The following SLC9A9 variants were observed in gnomAD, a reference collection of about 807,000 sequenced individuals.
The protein encoded by SLC9A9 is sodium/hydrogen exchanger 9.
In SLC9A9, 62 loss-of-function variants were observed where a neutral mutation model predicts 77.8. That is an observed-to-expected ratio of 0.80 (90% CI 0.65 to 0.98). The LOEUF (loss-of-function observed/expected upper bound fraction) is 0.98, where lower values mean the gene tolerates loss of function less well. SLC9A9 is among the 50% of genes least tolerant of loss of function. SLC9A9 has a pLI of 0.00. For synonymous variants in SLC9A9, 320 were observed against 283.5 expected (o/e 1.13, Z -1.29); for missense variants, 775 against 774.9 (o/e 1.00, Z 0.00).
chr3:143,659,554 T>G (rs560422492), intron 5 of SLC9A9, among the ~76,000 whole-genome samples: 1 of 152,006 alleles, frequency 6.6e-6, no homozygotes, highest in African/African-American at 2.4e-5. Context: ...TTAAATAGAT[T>G]AGAAAGTTGC....
intron 4 of SLC9A9, among the ~76,000 whole-genome samples, chr3:143,699,016 T>C (rs1021637495): frequency 2.0e-5 from 3 of 152,230 alleles, no homozygotes; most frequent in South Asian, 2.1e-4. Flanking sequence ...GCCCTACTTA[T>C]TTGTTCAGAT....
chr3:143,485,266 T>C (rs977381952), intron 11 of SLC9A9, among the ~76,000 whole-genome samples: 30 of 152,174 alleles, frequency 2.0e-4, no homozygotes, highest in African/African-American at 7.0e-4. Context: ...TCGCCACCAT[T>C]GTTGTTGCAC....
At chr3:143,326,588 C>G (rs2031611378) in intron 14 of SLC9A9, among the ~76,000 whole-genome samples, 1 of 152,148 alleles carries the variant, frequency 6.6e-6, no homozygotes, top group Non-Finnish European at 1.5e-5. Flanking sequence ...GGTCTTCTCT[C>G]AGCTGCTCAT....
intron 4 of SLC9A9, among the ~76,000 whole-genome samples, chr3:143,754,472 T>C (rs1202571139): frequency 6.6e-6 from 1 of 152,156 alleles, no homozygotes; most frequent in Non-Finnish European, 1.5e-5. Flanking sequence ...ATGTGAAAGG[T>C]TTCAGAGATT....
chr3:143,430,338 A>T (rs2034489595), intron 12 of SLC9A9, among the ~76,000 whole-genome samples: 1 of 152,170 alleles, frequency 6.6e-6, no homozygotes, highest in Admixed American at 6.5e-5. Context: ...GGGAGGATAG[A>T]AACCTCTTTT....
chr3:143,801,822 A>G (rs895526471), intron 2 of SLC9A9, among the ~76,000 whole-genome samples: 5 of 152,166 alleles, frequency 3.3e-5, no homozygotes, highest in Non-Finnish European at 7.3e-5. Context: ...ACATGTCAAT[A>G]TTTATGCTGA....
At chr3:143,335,599 A>C (rs1405183414) in intron 14 of SLC9A9, among the ~76,000 whole-genome samples, 1 of 152,194 alleles carries the variant, frequency 6.6e-6, no homozygotes, top group African/African-American at 2.4e-5. Context: ...AAAACAGAGC[A>C]CCTAGAAATA....
intron 4 of SLC9A9, among the ~76,000 whole-genome samples, chr3:143,771,402 C>T (rs938934927): frequency 6.6e-5 from 10 of 152,034 alleles, no homozygotes; most frequent in African/African-American, 9.7e-5. Context: ...TGATGTTAAC[C>T]GAAGAAGGAA....
At chr3:143,538,320 A>T (rs532471713) in intron 9 of SLC9A9, among the ~76,000 whole-genome samples, 1 of 152,198 alleles carries the variant, frequency 6.6e-6, no homozygotes, top group Admixed American at 6.5e-5. Context: ...ACTTGGTACT[A>T]TAAGAGCAAG....
chr3:143,769,195 C>T (rs1052685126), intron 4 of SLC9A9, among the ~76,000 whole-genome samples: 1 of 151,992 alleles, frequency 6.6e-6, no homozygotes, highest in Non-Finnish European at 1.5e-5. Flanking sequence ...AAGGAGCTGC[C>T]AAAGTAGATG....
chr3:143,500,412 C>T (rs1314154196), intron 9 of SLC9A9, among the ~76,000 whole-genome samples: 1 of 152,060 alleles, frequency 6.6e-6, no homozygotes, highest in Non-Finnish European at 1.5e-5. Context: ...GCAACTTTGG[C>T]TTGTCGATTT....
chr3:143,832,713 C>CTT (rs11425360), intron 1 of SLC9A9, among the ~76,000 whole-genome samples: 43 of 141,792 alleles, frequency 3.0e-4, no homozygotes, highest in African/African-American at 8.4e-4. Context: ...CAATATAGTT[C>CTT]TTTTTTTTTT....
chr3:143,624,942 A>T (rs1327041009), intron 6 of SLC9A9, among the ~76,000 whole-genome samples: 5 of 152,214 alleles, frequency 3.3e-5, no homozygotes, highest in African/African-American at 4.8e-5. Context: ...CAATGTGCAA[A>T]AATTACAAGC....
chr3:143,385,259 T>C (rs146388917), intron 12 of SLC9A9, among the ~76,000 whole-genome samples: 143 of 152,290 alleles, frequency 9.4e-4, no homozygotes, highest in African/African-American at 3.1e-3. Flanking sequence ...ACTGTAGGAC[T>C]AACCCTGACA....
At chr3:143,412,681 C>T (rs965979494) in intron 12 of SLC9A9, among the ~76,000 whole-genome samples, 2 of 152,188 alleles carry the variant, frequency 1.3e-5, no homozygotes, top group Non-Finnish European at 2.9e-5. Flanking sequence ...GGAATTTATT[C>T]CTCCCTCTTT....
At chr3:143,553,080 C>G (rs1189812112) in intron 8 of SLC9A9, among the ~76,000 whole-genome samples, 2 of 152,194 alleles carry the variant, frequency 1.3e-5, no homozygotes, top group Non-Finnish European at 2.9e-5. Flanking sequence ...GCATTCACTC[C>G]TTGAAAGTAA....
chr3:143,502,599 C>T (rs1385515887), intron 9 of SLC9A9, among the ~76,000 whole-genome samples: 1 of 151,990 alleles, frequency 6.6e-6, no homozygotes, highest in Non-Finnish European at 1.5e-5. Context: ...ATATTACAGC[C>T]GTTCAATATA....
intron 14 of SLC9A9, among the ~76,000 whole-genome samples, chr3:143,353,362 G>A (rs1056204243): frequency 6.6e-6 from 1 of 152,188 alleles, no homozygotes; most frequent in South Asian, 2.1e-4. Context: ...ATTAGGTAAT[G>A]CGAGTTCTGC....
chr3:143,496,000 C>T (rs1000889837), intron 9 of SLC9A9, among the ~76,000 whole-genome samples: 7 of 152,160 alleles, frequency 4.6e-5, no homozygotes, highest in African/African-American at 9.7e-5. Flanking sequence ...CGGTATATTT[C>T]AAATCCCAGA....
Sources: allele counts gnomAD v4.1 joint callset (sites outside exome capture counted in the v4.1 genomes callset), GRCh38; gene constraint gnomAD v4.1.1; transcripts MANE v1.5; gene names NCBI Gene and HGNC (gene_info 2026-07-23, HGNC 2026-07-21).